The following RNF227 variants were observed in gnomAD, a reference collection of about 807,000 sequenced individuals.
The protein encoded by RNF227 is long intergenic non-protein coding RNA 2581.
In RNF227, 8 loss-of-function variants were observed where a neutral mutation model predicts 4.9. The ratio of observed to expected loss-of-function variants is 1.65; its 90% CI spans 0.97 to 2.98. RNF227 has a LOEUF of 2.98. Among genes scored for constraint, RNF227 ranks in the 30% most tolerant of loss-of-function variants. The pLI is 0.00. For missense variants in RNF227, 136 were observed against 65.4 expected (o/e 2.08, Z -3.72); for synonymous variants, 63 against 28.1 (o/e 2.25, Z -3.94).
chr17:7,915,649 C>A, intron 1 of RNF227, 30 bp downstream of exon 1: 2 of 702,528 alleles, frequency 2.8e-6, no homozygotes, highest in Non-Finnish European at 2.6e-6. Context: ...GGCGCTCTCT[C>A]CCCTGCATCC....
rs1316104668 is a variant in RNF227, at chr17:7,914,561, AAAAC to A, written c.*957_*960del. On this transcript the variant is annotated 3_prime_UTR_variant, in exon 2 of 2. Coordinates refer to ENST00000324348, the MANE Select transcript of RNF227 (RefSeq NM_001358699.2). Reference sequence around the variant, plus strand: ...GACTCTGGCTCAAAACAAAAACAAAAAAACAAAAAACCCTGCCAGAGTCTGATTC... The same window carrying A: ...GACTCTGGCTCAAAACAAAAACAAAAAAAAAACCCTGCCAGAGTCTGATTC... 6 of 152,158 alleles carry A rather than the reference AAAAC, an allele frequency of 3.9e-5. No individual in the cohort carries two copies. The highest frequency in any genetic ancestry group is 3.9e-4 in the Admixed American group (6 of 15,266). The allele number at this position is 152,158 out of a possible 1,614,324, so 9.4% of individuals were successfully genotyped here. A position where few individuals can be genotyped will look rare whatever the true frequency, so the allele number is the denominator to read the frequency against.
At position 7,914,686 on chromosome 17, in the gene RNF227, G is replaced by T. The variant is rs12943962; in HGVS notation, c.*836C>A. The T allele has an allele frequency of 0.034, 5,205 of 152,366 alleles. 137 individuals carry two copies. Among genetic ancestry groups the T allele is most frequent in the Non-Finnish European group, 0.054 (3,706 of 68,090 alleles). The allele number at this position is 152,366 out of a possible 1,614,324, so 9.4% of individuals were successfully genotyped here. On this transcript the variant is annotated 3_prime_UTR_variant, in exon 2 of 2. Transcript: ENST00000324348. Reference sequence around the variant, plus strand: ...CTTGACTATGACTTTATGGTCATAAGATACAGGATTCTAAAATAGAATACA... The same window carrying T: ...CTTGACTATGACTTTATGGTCATAATATACAGGATTCTAAAATAGAATACA...
Position 7,915,231 on chromosome 17 carries a change from G to A in RNF227, c.*291C>T. 1 of 524,432 alleles carries A rather than the reference G, an allele frequency of 1.9e-6. No homozygotes were observed. The highest frequency in any genetic ancestry group is 2.0e-5 in the South Asian group (1 of 49,490). The allele number at this position is 524,432 out of a possible 1,614,324, so 32.5% of individuals were successfully genotyped here. ...ACCCTGGACAAAAGCCAACGTCCCA[G>A]CTAAGAAAACAGTCTGTCTTCTTCC... On this transcript the variant is annotated 3_prime_UTR_variant, in exon 2 of 2. Transcript: ENST00000324348.
Position 7,916,133 on chromosome 17 carries a change from G to A in RNF227, c.63C>T (p.Cys21=). 2.5e-6 allele frequency: 1 copy of A among 397,256 alleles called. No homozygotes were observed. Among genetic ancestry groups the A allele is most frequent in the Admixed American group, 4.4e-5 (1 of 22,664 alleles). The allele number at this position is 397,256 out of a possible 1,614,324, so 24.6% of individuals were successfully genotyped here. A position where few individuals can be genotyped will look rare whatever the true frequency, so the allele number is the denominator to read the frequency against. The change falls in exon 1 of 2, where the codon TGC becomes TGT. Residue 21 remains cysteine (C), a synonymous_variant. Transcript: ENST00000324348. ...PERGELDCNI[C]YRPFNLGCRA... ...GGCACCCGAGGTTGAAAGGACGGTA[G>A]CAGATGTTGCAGTCCAGCTCGCCCC...
At position 7,916,114 on chromosome 17, in the gene RNF227, C is replaced by G. The variant is rs1199377188; in HGVS notation, c.82G>C (p.Gly28Arg). The G allele has an allele frequency of 2.5e-6, 1 of 395,538 alleles. No homozygotes were observed. The highest frequency in any genetic ancestry group is 3.6e-5 in the East Asian group (1 of 27,974). The allele number at this position is 395,538 out of a possible 1,614,324, so 24.5% of individuals were successfully genotyped here. ...GGCAGGCGGCGGGGCGCGCGGCACC[C>G]GAGGTTGAAAGGACGGTAGCAGATG... is the stretch of plus-strand genomic sequence containing the variant. ...CNICYRPFNL[G>R]CRAPRRLPGT... The change falls in exon 1 of 2, where the codon GGG becomes CGG. Residue 28 changes from glycine (G) to arginine (R), a missense_variant. Physicochemically the swap from Gly to Arg is moderately radical, Grantham distance 125. Transcript: ENST00000324348.
At position 7,916,216 on chromosome 17, in the gene RNF227, G is replaced by A. The variant is rs904827495; in HGVS notation, c.-21C>T. 4.0e-4 allele frequency: 157 copies of A among 389,480 alleles called. No individual in the cohort carries two copies. Among genetic ancestry groups the A allele is most frequent in the Admixed American group, 2.2e-4 (5 of 22,408 alleles). The allele number at this position is 389,480 out of a possible 1,614,324, so 24.1% of individuals were successfully genotyped here. ...TGCATCGTGCCCGCCGCGGACTCGA[G>A]GACGTCGCTAACGCGGCCAGCTCCG... On this transcript the variant is annotated 5_prime_UTR_variant, in exon 1 of 2. Transcript: ENST00000324348.
At position 7,913,997 on chromosome 17, in the gene RNF227, C is replaced by G. The variant is rs1971922263; in HGVS notation, c.*1525G>C. 6.7e-6 allele frequency: 1 copy of G among 148,876 alleles called. No homozygotes were observed. The highest frequency in any genetic ancestry group is 2.5e-5 in the African/African-American group (1 of 40,260). 9.2% of individuals were successfully genotyped at this position (148,876 alleles called of 1,614,324 possible). A position where few individuals can be genotyped will look rare whatever the true frequency, so the allele number is the denominator to read the frequency against. ...GCCCCAGCTACTTGGGAGGCTGAGG[C>G]AGGAGAATGGCGTGAACCCAGGAGG... On this transcript the variant is annotated 3_prime_UTR_variant, in exon 2 of 2. Coordinates refer to ENST00000324348, the MANE Select transcript of RNF227 (RefSeq NM_001358699.2).
In RNF227 at chr17:7,916,254, G is replaced by A. The variant is rs924067516; in HGVS notation, c.-59C>T. 2 of 370,022 alleles carry A rather than the reference G, an allele frequency of 5.4e-6. No individual in the cohort carries two copies. The highest frequency in any genetic ancestry group is 9.7e-6 in the Non-Finnish European group (2 of 207,248). 22.9% of individuals were successfully genotyped at this position (370,022 alleles called of 1,614,324 possible). ...GCGGCCAGCTCCGTGAACAGAACGA[G>A]CACACTCTCCTGGGGCCGGGTCGGG... On this transcript the variant is annotated 5_prime_UTR_variant, in exon 1 of 2. Transcript: ENST00000324348.
rs1217174393 is a variant in RNF227, at chr17:7,914,783, T to A, written c.*739A>T. The A allele has an allele frequency of 6.5e-6, 1 of 152,714 alleles. No individual in the cohort carries two copies. The highest frequency in any genetic ancestry group is 2.4e-5 in the African/African-American group (1 of 41,450). The allele number at this position is 152,714 out of a possible 1,614,324, so 9.5% of individuals were successfully genotyped here. A position where few individuals can be genotyped will look rare whatever the true frequency, so the allele number is the denominator to read the frequency against. On this transcript the variant is annotated 3_prime_UTR_variant, in exon 2 of 2. Transcript: ENST00000324348. Reference sequence around the variant, plus strand: ...AAAGACACTTAAAATTGTATAAGTATCTTTTCAGTAGCGCTAGTGTGTTCC... The same window carrying A: ...AAAGACACTTAAAATTGTATAAGTAACTTTTCAGTAGCGCTAGTGTGTTCC...
chr17:7,916,301 C>G (rs1971972184), upstream of RNF227: 3 of 343,842 alleles, frequency 8.7e-6, no homozygotes. Context: ...GCGCCGCGGC[C>G]TCTTTCCCCT....
Position 7,915,412 on chromosome 17 carries a change from C to T in RNF227, c.*110G>A. 1.4e-6 allele frequency: 1 copy of T among 702,174 alleles called. No individual in the cohort carries two copies. Among genetic ancestry groups the T allele is most frequent in the Non-Finnish European group, 2.6e-6 (1 of 384,932 alleles). 43.5% of individuals were successfully genotyped at this position (702,174 alleles called of 1,614,324 possible). On this transcript the variant is annotated 3_prime_UTR_variant, in exon 2 of 2. Transcript: ENST00000324348. ...GCGTTCCCTCCTGCCTTCGGCTCAT[C>T]TCTCTCATCACATGCCAATCCTGGG... is the stretch of plus-strand genomic sequence containing the variant.
At position 7,915,553 on chromosome 17, in the gene RNF227, T is replaced by A; in HGVS notation, c.542A>T (p.Asp181Val). 1.4e-6 allele frequency: 1 copy of A among 703,124 alleles called. No homozygotes were observed. Among genetic ancestry groups the A allele is most frequent in the African/African-American group, 1.7e-5 (1 of 57,402 alleles). The allele number at this position is 703,124 out of a possible 1,614,324, so 43.6% of individuals were successfully genotyped here. A position where few individuals can be genotyped will look rare whatever the true frequency, so the allele number is the denominator to read the frequency against. The change falls in exon 2 of 2, where the codon GAC (aspartate) becomes GTC (valine). Residue 181 changes from aspartate (D) to valine (V), a missense_variant. Transcript: ENST00000324348. ...CGTGCAACGGGTCAGGTGGCCAATG[T>A]CCTTGATCTCCGCACAGTAGAGCAC... ...SNVLYCAEIK[D>V]IGHLTRCTL
In RNF227 at chr17:7,913,716, G is replaced by A. The variant is rs546286593; in HGVS notation, c.*1806C>T. ...AGATTGGAGGCCTCTAAAAAATTGA[G>A]GTTAATAATAAGTTCACATTTTTAA... On this transcript the variant is annotated 3_prime_UTR_variant, in exon 2 of 2. Coordinates refer to ENST00000324348, the MANE Select transcript of RNF227 (RefSeq NM_001358699.2). 6.6e-6 allele frequency: 1 copy of A among 152,216 alleles called. No homozygotes were observed. The highest frequency in any genetic ancestry group is 2.1e-4 in the South Asian group (1 of 4,816). The allele number at this position is 152,216 out of a possible 1,614,324, so 9.4% of individuals were successfully genotyped here.
At position 7,913,456 on chromosome 17, in the gene RNF227, A is replaced by T. The variant is rs774942774; in HGVS notation, c.*2066T>A. ...ATAGGGCTTACACTCCAGTGGGGAC[A>T]CCCACAAAGCATGAAAATAAAAGCA... On this transcript the variant is annotated 3_prime_UTR_variant, in exon 2 of 2. Coordinates refer to ENST00000324348, the MANE Select transcript of RNF227 (RefSeq NM_001358699.2). 14 of 152,284 alleles carry T rather than the reference A, an allele frequency of 9.2e-5. No individual in the cohort carries two copies. Among genetic ancestry groups the T allele is most frequent in the Non-Finnish European group, 1.8e-4 (12 of 68,048 alleles). 9.4% of individuals were successfully genotyped at this position (152,284 alleles called of 1,614,324 possible). A position where few individuals can be genotyped will look rare whatever the true frequency, so the allele number is the denominator to read the frequency against.
Position 7,915,436 on chromosome 17 carries a change from G to A in RNF227, c.*86C>T, listed in dbSNP as rs1466574880. The A allele has an allele frequency of 1.4e-6, 1 of 702,318 alleles. No homozygotes were observed. Among genetic ancestry groups the A allele is most frequent in the Admixed American group, 2.0e-5 (1 of 50,014 alleles). The allele number at this position is 702,318 out of a possible 1,614,324, so 43.5% of individuals were successfully genotyped here. On this transcript the variant is annotated 3_prime_UTR_variant, in exon 2 of 2. Coordinates refer to ENST00000324348, the MANE Select transcript of RNF227 (RefSeq NM_001358699.2). ...TCTCTCTCATCACATGCCAATCCTG[G>A]GATCTGAGAGAGAGTAGTCTTGACA...
Position 7,913,428 on chromosome 17 carries a change from C to G in RNF227, c.*2094G>C, listed in dbSNP as rs1971904610. 6.6e-6 allele frequency: 1 copy of G among 152,106 alleles called. No individual in the cohort carries two copies. The highest frequency in any genetic ancestry group is 6.5e-5 in the Admixed American group (1 of 15,282). The allele number at this position is 152,106 out of a possible 1,614,324, so 9.4% of individuals were successfully genotyped here. A position where few individuals can be genotyped will look rare whatever the true frequency, so the allele number is the denominator to read the frequency against. On this transcript the variant is annotated 3_prime_UTR_variant, in exon 2 of 2. Coordinates refer to ENST00000324348, the MANE Select transcript of RNF227 (RefSeq NM_001358699.2). Reference sequence around the variant, plus strand: ...AAACAGTCACAGGTCAGCCCTTGCTCCCATAGGGCTTACACTCCAGTGGGG... The same window carrying G: ...AAACAGTCACAGGTCAGCCCTTGCTGCCATAGGGCTTACACTCCAGTGGGG...
rs1971966325 is a variant in RNF227 at position 7,916,008 on chromosome 17, C to T, written c.188G>A (p.Gly63Glu). The T allele has an allele frequency of 8.4e-6, 3 of 356,062 alleles. No individual in the cohort carries two copies. Among genetic ancestry groups the T allele is most frequent in the East Asian group, 4.2e-5 (1 of 24,046 alleles). The allele number at this position is 356,062 out of a possible 1,614,324, so 22.1% of individuals were successfully genotyped here. A position where few individuals can be genotyped will look rare whatever the true frequency, so the allele number is the denominator to read the frequency against. Residue 63 changes from glycine to glutamate, a missense_variant, in exon 1 of 2, where the codon GGG becomes GAG. Gly to Glu is a moderately conservative substitution (Grantham distance 98). Transcript: ENST00000324348. ...RELAARGDGG[G>E]AAARVVRLRR... ...CAGGCGCACCACGCGCGCGGCCGCCCCGCCGCCGTCCCCGCGCGCCGCCAG... is the reference window on the plus strand; with the variant it reads ...CAGGCGCACCACGCGCGCGGCCGCCTCGCCGCCGTCCCCGCGCGCCGCCAG...
rs1971963574 is a variant in RNF227, at chr17:7,915,922, T to C, written c.274A>G (p.Thr92Ala). The change falls in exon 1 of 2, where the codon ACG becomes GCG. Residue 92 changes from threonine to alanine, a missense_variant. Coordinates refer to ENST00000324348, the MANE Select transcript of RNF227 (RefSeq NM_001358699.2). ...AAGTCCGAGTCAAGAGCCATCTCCG[T>C]GAGGCCGCCGCGAGGGAGCTGCGAG... ...APSQLPRGGL[T>A]EMALDSDLWS... 2 of 693,920 alleles carry C rather than the reference T, an allele frequency of 2.9e-6. No individual in the cohort carries two copies. The highest frequency in any genetic ancestry group is 2.7e-5 in the East Asian group (1 of 36,906). The allele number at this position is 693,920 out of a possible 1,614,324, so 43.0% of individuals were successfully genotyped here. A position where few individuals can be genotyped will look rare whatever the true frequency, so the allele number is the denominator to read the frequency against.
In RNF227 at chr17:7,916,219, C is replaced by T. The variant is rs1201203384; in HGVS notation, c.-24G>A. Reference sequence around the variant, plus strand: ...ATCGTGCCCGCCGCGGACTCGAGGACGTCGCTAACGCGGCCAGCTCCGTGA... The same window carrying T: ...ATCGTGCCCGCCGCGGACTCGAGGATGTCGCTAACGCGGCCAGCTCCGTGA... On this transcript the variant is annotated 5_prime_UTR_variant, in exon 1 of 2. Transcript: ENST00000324348. 1.8e-5 allele frequency: 7 copies of T among 388,090 alleles called. No individual in the cohort carries two copies. Among genetic ancestry groups the T allele is most frequent in the Admixed American group, 4.5e-5 (1 of 22,364 alleles). The allele number at this position is 388,090 out of a possible 1,614,324, so 24.0% of individuals were successfully genotyped here. A position where few individuals can be genotyped will look rare whatever the true frequency, so the allele number is the denominator to read the frequency against.
Sources: gnomAD v4.1 joint callset for allele counts on GRCh38, gnomAD v4.1.1 for gene constraint, MANE v1.5 for transcripts, NCBI Gene and HGNC (gene_info 2026-07-23, HGNC 2026-07-21) for gene names.